The following CD109 variants were observed in gnomAD, a reference collection of about 807,000 sequenced individuals.
The protein encoded by CD109 is CD109 antigen.
Under a neutral mutation model 165.8 loss-of-function variants are expected in CD109, and 149 were observed. The ratio of observed to expected loss-of-function variants is 0.90; its 90% CI spans 0.79 to 1.03. The LOEUF is 1.03. CD109 is among the 50% of genes least tolerant of loss of function. The probability of loss-of-function intolerance (pLI) is 0.00; values close to 1 mark genes in which losing one functional copy is unlikely to be tolerated. For synonymous variants in CD109, 585 were observed against 592.1 expected (o/e 0.99, Z 0.18); for missense variants, 1,712 against 1,677.8 (o/e 1.02, Z -0.36).
At position 73,697,549 on chromosome 6, in the gene CD109, A is replaced by T; in HGVS notation, c.224A>T (p.Glu75Val). 1 of 1,614,018 alleles carries T rather than the reference A, an allele frequency of 6.2e-7. No homozygotes were observed. Among genetic ancestry groups the T allele is most frequent in the Non-Finnish European group, 8.5e-7 (1 of 1,179,918 alleles). Residue 75 changes from glutamate to valine, a missense_variant, in exon 2 of 33, where the codon GAA becomes GTA. Transcript: ENST00000287097. ...TCAAACCTCACTGTCTCTGTCCTGG[A>T]AGCAGAAGGAGTCTTTGAAAAAGGT... ...TASNLTVSVL[E>V]AEGVFEKGSF... is the part of the protein sequence containing the mutation.
At chr6:73,823,215 C>G (rs1776159727) in intron 32 of CD109, among the ~76,000 whole-genome samples, 2 of 152,180 alleles carry the variant, frequency 1.3e-5, no homozygotes, top group Non-Finnish European at 2.9e-5. Context: ...TCTATTTGCT[C>G]TCTTTTAATG....
chr6:73,753,650 A>C (rs1372669307), intron 5 of CD109, among the ~76,000 whole-genome samples: 1 of 152,202 alleles, frequency 6.6e-6, no homozygotes, highest in African/African-American at 2.4e-5. Flanking sequence ...CAGTGAAAAG[A>C]AGTACTTTTC....
chr6:73,699,089 A>G (rs944721572), intron 2 of CD109, among the ~76,000 whole-genome samples: 2 of 152,248 alleles, frequency 1.3e-5, no homozygotes, highest in African/African-American at 4.8e-5. Context: ...TTATTGGACT[A>G]TCATTTCTGA....
chr6:73,701,945 A>G (rs567047097), intron 2 of CD109, among the ~76,000 whole-genome samples: 2 of 152,226 alleles, frequency 1.3e-5, no homozygotes, highest in South Asian at 4.1e-4. Flanking sequence ...CCTTAAAACC[A>G]AAAACTCCCA....
At chr6:73,729,699 A>T (rs891359998) in intron 3 of CD109, among the ~76,000 whole-genome samples, 1 of 151,928 alleles carries the variant, frequency 6.6e-6, no homozygotes, top group Non-Finnish European at 1.5e-5. Context: ...GTTTTAGTAG[A>T]GATGGGGTTT....
intron 32 of CD109, among the ~76,000 whole-genome samples, 160 bp from the exon 33 acceptor site, chr6:73,823,298 G>T: frequency 6.6e-6 from 1 of 152,168 alleles, no homozygotes; most frequent in East Asian, 1.9e-4. Context: ...TAGTACTTTG[G>T]ACCACTCTTG....
chr6:73,722,963 A>G (rs894831899), intron 2 of CD109, among the ~76,000 whole-genome samples: 1 of 152,242 alleles, frequency 6.6e-6, no homozygotes, highest in African/African-American at 2.4e-5. Flanking sequence ...CAACAAGGGC[A>G]GCAGCAACAA....
At chr6:73,718,615 G>C (rs1771833401) in intron 2 of CD109, among the ~76,000 whole-genome samples, 2 of 151,384 alleles carry the variant, frequency 1.3e-5, no homozygotes. Flanking sequence ...CAGTGGTTTA[G>C]AGCTCAGGCC....
intron 2 of CD109, among the ~76,000 whole-genome samples, chr6:73,709,480 G>A (rs1295711275): frequency 1.3e-5 from 2 of 152,208 alleles, no homozygotes; most frequent in Non-Finnish European, 2.9e-5. Flanking sequence ...ACTTGGCAAT[G>A]TGAGTTGTTT....
chr6:73,787,923 C>T (rs993383138), intron 21 of CD109, among the ~76,000 whole-genome samples: 1 of 152,152 alleles, frequency 6.6e-6, no homozygotes, highest in Non-Finnish European at 1.5e-5. Flanking sequence ...TGATTTTGAA[C>T]AAGGCATTTA....
intron 15 of CD109, among the ~76,000 whole-genome samples, chr6:73,772,054 C>T (rs1774054699): frequency 6.6e-6 from 1 of 152,080 alleles, no homozygotes; most frequent in African/African-American, 2.4e-5. Flanking sequence ...AAAAATGCCA[C>T]CTATAGTTTT....
At chr6:73,739,140 A>G (rs985858693) in intron 5 of CD109, among the ~76,000 whole-genome samples, 1 of 152,238 alleles carries the variant, frequency 6.6e-6, no homozygotes, top group Admixed American at 6.5e-5. Flanking sequence ...CTTGAACCAA[A>G]TGCAATTTTC....
chr6:73,791,160 T>TATATATATATATATACACATACAC (rs1774930918), intron 22 of CD109, among the ~76,000 whole-genome samples: 1 of 33,418 alleles, frequency 3.0e-5, no homozygotes, highest in African/African-American at 1.2e-4. Flanking sequence ...TATATATATA[T>TATATATATATATATACACATACAC]ATATATATAT....
At position 73,697,518 on chromosome 6, in the gene CD109, A is replaced by T; in HGVS notation, c.193A>T (p.Thr65Ser). ...GACTGTGAAGGCGGAGCTGCTCAAGACAGCATCAAACCTCACTGTCTCTGT... is the reference window on the plus strand; with the variant it reads ...GACTGTGAAGGCGGAGCTGCTCAAGTCAGCATCAAACCTCACTGTCTCTGT... ...QVTVKAELLK[T>S]ASNLTVSVLE... The change falls in exon 2 of 33, where the codon ACA becomes TCA. Residue 65 changes from threonine (T) to serine (S), a missense_variant. Coordinates refer to ENST00000287097, the MANE Select transcript of CD109 (RefSeq NM_133493.5). The T allele has an allele frequency of 6.2e-7, 1 of 1,614,174 alleles. No individual in the cohort carries two copies. Among genetic ancestry groups the T allele is most frequent in the African/African-American group, 1.3e-5 (1 of 75,074 alleles).
intron 15 of CD109, among the ~76,000 whole-genome samples, chr6:73,779,760 C>G (rs1366034759): frequency 6.6e-6 from 1 of 151,694 alleles, no homozygotes; most frequent in Non-Finnish European, 1.5e-5. Context: ...ATTACTGGGT[C>G]ATATTCTAAT....
chr6:73,801,687 T>C (rs972178598), intron 23 of CD109, among the ~76,000 whole-genome samples: 2 of 152,240 alleles, frequency 1.3e-5, no homozygotes, highest in Non-Finnish European at 2.9e-5. Flanking sequence ...ATGCTTATGT[T>C]TAGTTAGTCA....
At chr6:73,695,976 C>T (rs1379265820), upstream of CD109, 2 of 507,996 alleles carry the variant, frequency 3.9e-6, no homozygotes, top group Non-Finnish European at 7.0e-6. Context: ...TTCTCACCCC[C>T]TGGATTTGCG....
chr6:73,726,693 T>C (rs992390141), intron 3 of CD109, among the ~76,000 whole-genome samples: 2 of 152,224 alleles, frequency 1.3e-5, no homozygotes, highest in Non-Finnish European at 2.9e-5. Context: ...TTATGTATCC[T>C]AGGCAGAGAG....
intron 14 of CD109, among the ~76,000 whole-genome samples, chr6:73,769,471 T>C (rs1773964186): frequency 6.6e-6 from 1 of 152,196 alleles, no homozygotes; most frequent in Admixed American, 6.5e-5. Context: ...GCAGAGTATA[T>C]GAATAGCATA....
Sources: gnomAD v4.1 joint callset for allele counts (sites outside exome capture counted in the v4.1 genomes callset) on GRCh38, gnomAD v4.1.1 for gene constraint, MANE v1.5 for transcripts, NCBI Gene and HGNC (gene_info 2026-07-23, HGNC 2026-07-21) for gene names.